The following URB1 variants were observed in gnomAD, a reference collection of about 807,000 sequenced individuals.
URB1 encodes the protein nucleolar pre-ribosomal-associated protein 1.
In URB1, 197 loss-of-function variants were observed where a neutral mutation model predicts 242.3. That is an observed-to-expected ratio of 0.81 (90% CI 0.72 to 0.91). The LOEUF (loss-of-function observed/expected upper bound fraction) is 0.91, where lower values mean the gene tolerates loss of function less well. Ranked by LOEUF, URB1 falls within the 40% of genes least tolerant of loss-of-function variation. The pLI is 0.00. For missense variants in URB1, 2,721 were observed against 2,860.5 expected (o/e 0.95, Z 1.11); for synonymous variants, 1,153 against 1,201.8 (o/e 0.96, Z 0.84).
rs1446225544 is a variant in URB1 at position 32,345,379 on chromosome 21, G to T, written c.4065C>A (p.His1355Gln). ...LPSLLHTPSSHKRWIVADSIS... is the reference protein window; with the variant it reads ...LPSLLHTPSSQKRWIVADSIS... ...ACCAACCTGAGCCTTCATACCTCTT[G>T]TGACTGCTTGGGGTGTGAAGCAAGC... The change falls in exon 23 of 39, where the codon CAC (histidine) becomes CAA (glutamine). Residue 1355 changes from histidine (H) to glutamine (Q), a missense_variant. Transcript: ENST00000382751. The T allele has an allele frequency of 1.3e-6, 2 of 1,551,186 alleles. No homozygotes were observed. Among genetic ancestry groups the T allele is most frequent in the East Asian group, 4.9e-5 (2 of 40,894 alleles).
At chr21:32,354,128 G>A (rs1223687973) in intron 17 of URB1, 25 bp from the exon 18 acceptor site, 3 of 1,551,172 alleles carry the variant, frequency 1.9e-6, no homozygotes, top group Non-Finnish European at 2.6e-6. Context: ...GGAGAATCCA[G>A]CTGATGTGAG....
In URB1 at chr21:32,350,904, T is replaced by A; in HGVS notation, c.2632A>T (p.Ser878Cys). ...AAGGGAAGGGCAGGGGGCGAGGGGC[T>A]GCCCTGTGCCTGCAGCAGCTGAGGG... ...REAWLLQAQG[S>C]PSPPALPLAS... The change falls in exon 20 of 39, where the codon AGC (serine) becomes TGC (cysteine). Residue 878 changes from serine (S) to cysteine (C), a missense_variant. Coordinates refer to ENST00000382751, the MANE Select transcript of URB1 (RefSeq NM_014825.3). The A allele has an allele frequency of 6.5e-7, 1 of 1,547,338 alleles. No individual in the cohort carries two copies.
Position 32,350,770 on chromosome 21 carries a change from C to G in URB1, c.2766G>C (p.Gln922His). Residue 922 changes from glutamine to histidine, a missense_variant, in exon 20 of 39, where the codon CAG becomes CAC. Transcript: ENST00000382751. The part of the protein sequence containing the change: ...LQATMPHLSM[Q>H]QVLLAAKQVL... ...CCTGCTTGGCCGCGAGCAGGACCTG[C>G]TGCATGGACAGGTGTGGCATGGTGG... The G allele has an allele frequency of 6.4e-7, 1 of 1,551,508 alleles. No homozygotes were observed. Among genetic ancestry groups the G allele is most frequent in the South Asian group, 1.2e-5 (1 of 84,044 alleles).
In URB1 at chr21:32,392,841, G is replaced by A. The variant is rs1258222350; in HGVS notation, c.70C>T (p.Arg24Cys). ...GAASSAGAAK[R>C]ARKEELTGVR... ...CCCGTGAGCTCTTCTTTGCGGGCGC[G>A]CTTGGCTGCACCCGCGGAGGAAGCC... The change falls in exon 1 of 39, where the codon CGC becomes TGC. Residue 24 changes from arginine to cysteine, a missense_variant. Transcript: ENST00000382751. 6.5e-6 allele frequency: 10 copies of A among 1,532,656 alleles called. No individual in the cohort carries two copies. The African/African-American group carries it at 1.2e-4, about 19-fold the overall frequency. The allele number at this position is 1,532,656 out of a possible 1,614,324, so 94.9% of individuals were successfully genotyped here. A position where few individuals can be genotyped will look rare whatever the true frequency, so the allele number is the denominator to read the frequency against.
At chr21:32,341,378 G>A (rs2033027181) in intron 25 of URB1, 88 bp downstream of exon 25, 4 of 1,321,012 alleles carry the variant, frequency 3.0e-6, no homozygotes, top group Middle Eastern at 1.8e-4. Flanking sequence ...CGTGGATTAT[G>A]CTAATAACAA....
rs1568830462 is a variant in URB1 at position 32,375,469 on chromosome 21, T to A, written c.679A>T (p.Ile227Phe). The A allele has an allele frequency of 9.2e-6, 14 of 1,523,098 alleles. No homozygotes were observed. The highest frequency in any genetic ancestry group is 1.7e-4 in the Middle Eastern group (1 of 5,898). The allele number at this position is 1,523,098 out of a possible 1,614,324, so 94.3% of individuals were successfully genotyped here. ...VLEVKEFIPC[I>F]FSSGIKEDRI... ...TCTTCCTTTATCCCTGAGCTAAAAA[T>A]GCAAGGAATAAATTCTGAAAGTAAA... The change falls in exon 6 of 39, where the codon ATT becomes TTT. Residue 227 changes from isoleucine to phenylalanine, a missense_variant. Transcript: ENST00000382751.
Position 32,355,580 on chromosome 21 carries a change from G to A in URB1, c.1990-15C>T, listed in dbSNP as rs2033210648. 1 of 1,545,306 alleles carries A rather than the reference G, an allele frequency of 6.5e-7. No individual in the cohort carries two copies. On this transcript the variant is annotated splice_polypyrimidine_tract_variant and intron_variant, in intron 15 of 38. Coordinates refer to ENST00000382751, the MANE Select transcript of URB1 (RefSeq NM_014825.3). ...TCCCGCAGAATCTGCCAGGAAGTAG[G>A]CACCGGTGAAAAAGTCAGAACAGAA...
chr21:32,355,855 C>T (rs139592314), intron 15 of URB1, among the ~76,000 whole-genome samples: 1 of 152,310 alleles, frequency 6.6e-6, no homozygotes, highest in Non-Finnish European at 1.5e-5. Flanking sequence ...AAGTGATCTG[C>T]CTACCTTGGC....
chr21:32,387,643 C>T (rs2033598278), intron 1 of URB1, among the ~76,000 whole-genome samples: 1 of 146,860 alleles, frequency 6.8e-6, no homozygotes, highest in South Asian at 2.2e-4. Context: ...CTAAATATTT[C>T]TATTAAAACC....
chr21:32,385,793 T>G (rs906175426), intron 1 of URB1, 109 bp from the exon 2 acceptor site: 2 of 1,349,082 alleles, frequency 1.5e-6, no homozygotes, highest in Admixed American at 2.4e-5. Flanking sequence ...CCGATCCACC[T>G]ACACTGCACA....
chr21:32,346,053 C>T (rs2123577217), intron 22 of URB1, among the ~76,000 whole-genome samples: 1 of 152,280 alleles, frequency 6.6e-6, no homozygotes, highest in Non-Finnish European at 1.5e-5. Flanking sequence ...TGGCTTGGTG[C>T]AGTCCTTGTG....
At chr21:32,320,028 TA>T (rs2032745564) in intron 35 of URB1, among the ~76,000 whole-genome samples, 1 of 152,182 alleles carries the variant, frequency 6.6e-6, no homozygotes, top group Non-Finnish European at 1.5e-5. Context: ...GGAATCACAA[TA>T]AATCATCAAG....
At chr21:32,355,856 C>T (rs1379185672) in intron 15 of URB1, among the ~76,000 whole-genome samples, 2 of 152,188 alleles carry the variant, frequency 1.3e-5, no homozygotes, top group Non-Finnish European at 2.9e-5. Context: ...AGTGATCTGC[C>T]TACCTTGGCC....
At chr21:32,340,661 A>G (rs931908964) in intron 25 of URB1, among the ~76,000 whole-genome samples, 1 of 152,226 alleles carries the variant, frequency 6.6e-6, no homozygotes, top group Non-Finnish European at 1.5e-5. Context: ...GAGCAGTTTG[A>G]GCATCTAGAA....
chr21:32,365,730 T>C lies in URB1; in HGVS notation c.1335+888A>G, dbSNP rs2123603800. On this transcript the variant is annotated intron_variant, in intron 10 of 38. Coordinates refer to ENST00000382751, the MANE Select transcript of URB1 (RefSeq NM_014825.3). ...GCTCAGCACAAACCCTGGAGGGGTA[T>C]CAAAAAATGGTGAATCTCACCATGT... is the stretch of plus-strand genomic sequence containing the variant. Among the ~76,000 whole-genome samples the C allele has an allele frequency of 1.3e-5, 2 of 152,238 alleles. 1 individual carries two copies.
chr21:32,314,917 G>T lies in URB1; in HGVS notation c.*1C>A. On this transcript the variant is annotated 3_prime_UTR_variant, in exon 39 of 39. Coordinates refer to ENST00000382751, the MANE Select transcript of URB1 (RefSeq NM_014825.3). ...GGGTGCAAGGTGCTGGCCGGCAGGAGTCAAGCATCTGAGGCTGCGCTGGCG... is the reference window on the plus strand; with the variant it reads ...GGGTGCAAGGTGCTGGCCGGCAGGATTCAAGCATCTGAGGCTGCGCTGGCG... 6.5e-7 allele frequency: 1 copy of T among 1,549,590 alleles called. No individual in the cohort carries two copies. Among genetic ancestry groups the T allele is most frequent in the Non-Finnish European group, 8.7e-7 (1 of 1,145,848 alleles).
In URB1 at chr21:32,357,521, G is replaced by A; in HGVS notation, c.1989+16C>T. ...AAAATGCTTTTCAGAGTTAGAAACTGGTAGAAAATGCTCACCTTCATGATC... is the reference window on the plus strand; with the variant it reads ...AAAATGCTTTTCAGAGTTAGAAACTAGTAGAAAATGCTCACCTTCATGATC... On this transcript the variant is annotated intron_variant, in intron 15 of 38. Transcript: ENST00000382751. The A allele has an allele frequency of 6.7e-7, 1 of 1,494,386 alleles. No individual in the cohort carries two copies. Among genetic ancestry groups the A allele is most frequent in the Non-Finnish European group, 8.9e-7 (1 of 1,125,930 alleles). 92.6% of individuals were successfully genotyped at this position (1,494,386 alleles called of 1,614,324 possible).
At chr21:32,381,364 C>T (rs775518657) in intron 4 of URB1, among the ~76,000 whole-genome samples, 2 of 151,288 alleles carry the variant, frequency 1.3e-5, no homozygotes, top group Non-Finnish European at 2.9e-5. Flanking sequence ...TGAATATTAT[C>T]TATAACCCTC....
At chr21:32,342,681 G>C (rs1393405986) in intron 24 of URB1, among the ~76,000 whole-genome samples, 2 of 147,480 alleles carry the variant, frequency 1.4e-5, no homozygotes, top group Non-Finnish European at 3.0e-5. Flanking sequence ...AACCAGGAAA[G>C]CCGGAACCCT....
Sources: allele counts gnomAD v4.1 joint callset (sites outside exome capture counted in the v4.1 genomes callset), GRCh38; gene constraint gnomAD v4.1.1; transcripts MANE v1.5; gene names NCBI Gene and HGNC (gene_info 2026-07-23, HGNC 2026-07-21).